Variants in CROT observed in about 807,000 individuals in gnomAD.
CROT encodes carnitine O-octanoyltransferase.
A neutral mutation model predicts 89.2 loss-of-function variants in CROT; 84 were observed. That is an observed-to-expected ratio of 0.94 (90% CI 0.79 to 1.13). The LOEUF (loss-of-function observed/expected upper bound fraction) is 1.13. Among genes scored for constraint, CROT ranks in the 50% most tolerant of loss-of-function variants. CROT has a pLI of 0.00. For missense variants in CROT, 711 were observed against 727.8 expected (o/e 0.98, Z 0.27); for synonymous variants, 212 against 239.5 (o/e 0.89, Z 1.06).
At chr7:87,377,473 T>C in intron 10 of CROT, 23 bp downstream of exon 10, 2 of 1,350,586 alleles carry the variant, frequency 1.5e-6, no homozygotes, top group Non-Finnish European at 2.1e-6. Context: ...CTGAAATTTT[T>C]CTCTTTTGAT....
At chr7:87,352,046 T>C (rs1483382781) in intron 3 of CROT, among the ~76,000 whole-genome samples, 1 of 152,226 alleles carries the variant, frequency 6.6e-6, no homozygotes, top group Non-Finnish European at 1.5e-5. Context: ...TCTATTTTAA[T>C]GCTAAGCTAG....
intron 10 of CROT, among the ~76,000 whole-genome samples, chr7:87,379,512 T>C (rs1806924300): frequency 6.6e-6 from 1 of 152,180 alleles, no homozygotes; most frequent in Non-Finnish European, 1.5e-5. Flanking sequence ...GCTAAACTGA[T>C]TTTTACTAAT....
chr7:87,392,530 G>C, intron 14 of CROT, 36 bp from the exon 15 acceptor site: 1 of 1,545,788 alleles, frequency 6.5e-7, no homozygotes, highest in Admixed American at 1.7e-5. Flanking sequence ...GTTTTGCACA[G>C]TGTGTTATTG....
At chr7:87,377,633 T>A (rs925216394) in intron 10 of CROT, among the ~76,000 whole-genome samples, 183 bp downstream of exon 10, 1 of 152,190 alleles carries the variant, frequency 6.6e-6, no homozygotes, top group African/African-American at 2.4e-5. Context: ...TCTTCTGTAG[T>A]AAGGCCAACA....
At position 87,361,405 on chromosome 7, in the gene CROT, C is replaced by G. The variant is rs1483789975; in HGVS notation, c.256C>G (p.Leu86Val). 6.2e-7 allele frequency: 1 copy of G among 1,613,090 alleles called. No homozygotes were observed. The highest frequency in any genetic ancestry group is 2.2e-5 in the East Asian group (1 of 44,864). The change falls in exon 5 of 18, where the codon CTG becomes GTG. Residue 86 changes from leucine to valine, a missense_variant. By Grantham distance (32) the Leu-to-Val change is conservative (BLOSUM62 1). Transcript: ENST00000331536. ...TTTCTTTTAGCTGGAAGAGTGGTGGCTGAATGTTGCCTATCTGGATGTTCG... is the reference window on the plus strand; with the variant it reads ...TTTCTTTTAGCTGGAAGAGTGGTGGGTGAATGTTGCCTATCTGGATGTTCG... ...GKRNWLEEWWLNVAYLDVRIP... is the reference protein window; with the variant it reads ...GKRNWLEEWWVNVAYLDVRIP...
intron 2 of CROT, among the ~76,000 whole-genome samples, chr7:87,347,615 A>G (rs537366897): frequency 1.7e-4 from 26 of 152,342 alleles, no homozygotes; most frequent in African/African-American, 4.3e-4. Flanking sequence ...TTTTCAAATT[A>G]TCTCTTTATA....
chr7:87,357,545 G>T, intron 3 of CROT: 1 of 1,485,070 alleles, frequency 6.7e-7, no homozygotes, highest in South Asian at 1.2e-5. Flanking sequence ...TCTTGATCCA[G>T]ATGCTAAGAG....
intron 6 of CROT, among the ~76,000 whole-genome samples, chr7:87,365,856 T>G (rs1806428392): frequency 1.3e-5 from 2 of 152,088 alleles, no homozygotes; most frequent in Non-Finnish European, 2.9e-5. Context: ...TCTGCCCGCC[T>G]CAGCCCCCAA....
At chr7:87,394,725 C>T (rs1465935641) in intron 17 of CROT, among the ~76,000 whole-genome samples, 5 of 151,888 alleles carry the variant, frequency 3.3e-5, no homozygotes, top group Admixed American at 1.3e-4. Context: ...AAAGGCATAC[C>T]TATAGACTCT....
intron 3 of CROT, among the ~76,000 whole-genome samples, chr7:87,353,861 C>G (rs1029331742): frequency 1.3e-5 from 2 of 152,204 alleles, no homozygotes; most frequent in Non-Finnish European, 2.9e-5. Context: ...CCACCAGGCC[C>G]CACCTCCAAC....
At chr7:87,384,682 T>A (rs1019343792) in intron 13 of CROT, among the ~76,000 whole-genome samples, 11 of 152,222 alleles carry the variant, frequency 7.2e-5, no homozygotes, top group African/African-American at 2.7e-4. Context: ...GGGCTGCTGA[T>A]TGTTTCCTCT....
intron 2 of CROT, among the ~76,000 whole-genome samples, chr7:87,348,253 C>T (rs531558520): frequency 1.3e-5 from 2 of 151,448 alleles, no homozygotes; most frequent in Non-Finnish European, 2.9e-5. Context: ...TTTGAGAAAC[C>T]TCATTTTTTA....
In CROT at chr7:87,359,277, G is replaced by T. The variant is rs1806200569; in HGVS notation, c.187G>T (p.Gly63Ter). 6.3e-7 allele frequency: 1 copy of T among 1,598,500 alleles called. No homozygotes were observed. The highest frequency in any genetic ancestry group is 8.6e-7 in the Non-Finnish European group (1 of 1,167,764). The part of the protein sequence containing the change: ...EIVQKFQSGI[G>*]EKLHQKLLER... ...AGTTCAAAAATTTCAAAGTGGGATT[G>T]GAGAAAAATTGCACCAGAAATTGCT... Residue 63 changes from glycine to a stop codon, truncating the protein, a stop_gained, in exon 4 of 18, where the codon GGA becomes TGA. Transcript: ENST00000331536. LOFTEE classifies it high-confidence loss of function.
intron 13 of CROT, among the ~76,000 whole-genome samples, chr7:87,391,352 T>G (rs1335527952): frequency 1.3e-5 from 2 of 152,188 alleles, no homozygotes; most frequent in Non-Finnish European, 2.9e-5. Context: ...GGGGCCATCT[T>G]AGAGGCTGTA....
At chr7:87,359,635 G>A in intron 4 of CROT, 1 of 1,093,074 alleles carries the variant, frequency 9.1e-7, no homozygotes, top group Non-Finnish European at 1.1e-6. Context: ...AGACCATGCT[G>A]AAGGAAAACA....
At position 87,398,773 on chromosome 7, in the gene CROT, T is replaced by G; in HGVS notation, c.*129T>G. 1 of 859,228 alleles carries G rather than the reference T, an allele frequency of 1.2e-6. No homozygotes were observed. Among genetic ancestry groups the G allele is most frequent in the Non-Finnish European group, 1.8e-6 (1 of 569,448 alleles). 53.2% of individuals were successfully genotyped at this position (859,228 alleles called of 1,614,324 possible). A position where few individuals can be genotyped will look rare whatever the true frequency, so the allele number is the denominator to read the frequency against. On this transcript the variant is annotated 3_prime_UTR_variant, in exon 18 of 18. Coordinates refer to ENST00000331536, the MANE Select transcript of CROT (RefSeq NM_021151.4). ...CCTTTAACAAGTTAAGAAAACTTGTTAAATGTAGAAATTAGTAGAATCATG... is the reference window on the plus strand; with the variant it reads ...CCTTTAACAAGTTAAGAAAACTTGTGAAATGTAGAAATTAGTAGAATCATG...
intron 17 of CROT, among the ~76,000 whole-genome samples, chr7:87,397,197 C>CA (rs1807555839): frequency 6.6e-6 from 1 of 151,862 alleles, no homozygotes; most frequent in African/African-American, 2.4e-5. Context: ...ACTAAAAATA[C>CA]AAAAATTAGC....
At chr7:87,350,183 G>A (rs1321785417) in intron 3 of CROT, among the ~76,000 whole-genome samples, 1 of 152,114 alleles carries the variant, frequency 6.6e-6, no homozygotes, top group African/African-American at 2.4e-5. Context: ...CATAAGACCG[G>A]GAATCCATAG....
intron 3 of CROT, among the ~76,000 whole-genome samples, chr7:87,351,079 C>T (rs542977193): frequency 4.6e-5 from 7 of 152,010 alleles, no homozygotes; most frequent in African/African-American, 1.7e-4. Flanking sequence ...GAGACTGAGG[C>T]AGGTTGATCA....
Sources: gnomAD v4.1 joint callset for allele counts (sites outside exome capture counted in the v4.1 genomes callset) on GRCh38, gnomAD v4.1.1 for gene constraint, MANE v1.5 for transcripts, NCBI Gene and HGNC (gene_info 2026-07-23, HGNC 2026-07-21) for gene names.